The following FAS variants were observed in gnomAD, a reference collection of about 807,000 sequenced individuals.
FAS encodes the protein Fas cell surface death receptor.
Under a neutral mutation model 33.2 loss-of-function variants are expected in FAS, and 5 were observed. That is an observed-to-expected ratio of 0.15 (90% CI 0.08 to 0.32). The LOEUF (loss-of-function observed/expected upper bound fraction) is 0.32, where lower values mean the gene tolerates loss of function less well. Among genes scored for constraint, FAS ranks in the 10% least tolerant of loss-of-function variants. The pLI, the probability that FAS is intolerant of heterozygous loss-of-function variation, is 1.00. For synonymous variants in FAS, 131 were observed against 130.7 expected (o/e 1.00, Z -0.01); for missense variants, 339 against 386.0 (o/e 0.88, Z 1.02).
chr10:89,008,705 T>C (rs1475104420), intron 3 of FAS, among the ~76,000 whole-genome samples, 184 bp from the exon 4 acceptor site: 1 of 152,202 alleles, frequency 6.6e-6, no homozygotes, highest in Non-Finnish European at 1.5e-5. Context: ...GCTAAATGAT[T>C]GCTGGCCATT....
At chr10:89,000,327 C>T (rs1457873664) in intron 1 of FAS, among the ~76,000 whole-genome samples, 1 of 152,126 alleles carries the variant, frequency 6.6e-6, no homozygotes, top group Non-Finnish European at 1.5e-5. Flanking sequence ...TATAGATTTA[C>T]TACCATTATT....
intron 2 of FAS, among the ~76,000 whole-genome samples, chr10:89,003,567 T>G (rs1456019349): frequency 6.6e-6 from 1 of 152,226 alleles, no homozygotes; most frequent in Non-Finnish European, 1.5e-5. Context: ...CTTCTCCTCT[T>G]AAGGGATATG....
chr10:88,991,613 C>G (rs897281957), intron 1 of FAS: 2 of 154,146 alleles, frequency 1.3e-5, no homozygotes, highest in African/African-American at 4.8e-5. Flanking sequence ...TCCGGGAATT[C>G]TCTCTTTAAG....
chr10:88,990,939 C>G lies in FAS; in HGVS notation c.30+33C>G, dbSNP rs1243910030. The G allele has an allele frequency of 6.2e-7, 1 of 1,614,100 alleles. No homozygotes were observed. The highest frequency in any genetic ancestry group is 8.5e-7 in the Non-Finnish European group (1 of 1,179,966). ...CTCTCCTGCCCGGGTGGAGGCTTAC[C>G]CCGTCTTAGTCCCGGGGATAGGCAA... On this transcript the variant is annotated intron_variant, in intron 1 of 8. Coordinates refer to ENST00000652046, the MANE Select transcript of FAS (RefSeq NM_000043.6). The surrounding 1 kb of genome is among the most constrained non-coding windows in gnomAD (Gnocchi z 4.9).
intron 2 of FAS, among the ~76,000 whole-genome samples, chr10:88,979,821 C>T (rs1171658817): frequency 6.6e-6 from 1 of 152,178 alleles, no homozygotes; most frequent in African/African-American, 2.4e-5. Context: ...AGAGCAACAG[C>T]AAAGGTCATT....
At chr10:88,991,049 C>A in intron 1 of FAS, 143 bp downstream of exon 1, 2 of 1,106,728 alleles carry the variant, frequency 1.8e-6, no homozygotes, top group East Asian at 2.5e-5. Context: ...CTGCGGGAGG[C>A]GTTGGAGACT....
intron 8 of FAS, 112 bp from the exon 9 acceptor site, chr10:89,014,007 T>C (rs1848660047): frequency 2.6e-6 from 3 of 1,136,002 alleles, no homozygotes; most frequent in Non-Finnish European, 3.8e-6. Context: ...TTCATAGACC[T>C]TTAGGACTTA....
intron 8 of FAS, 23 bp downstream of exon 8, chr10:89,013,390 T>G: frequency 6.2e-7 from 1 of 1,609,982 alleles, no homozygotes. Context: ...TCATTTTATT[T>G]CATAGAGATG....
At chr10:88,974,471 G>T (rs141715056) in intron 2 of FAS, 61 of 152,216 alleles carry the variant, frequency 4.0e-4, no homozygotes, top group Non-Finnish European at 6.3e-4. Flanking sequence ...AATGTTGGTG[G>T]TCTTTTAAAA....
intron 1 of FAS, among the ~76,000 whole-genome samples, chr10:88,998,761 G>A (rs941447615): frequency 1.3e-5 from 2 of 152,074 alleles, no homozygotes; most frequent in African/African-American, 4.8e-5. Flanking sequence ...AGTCCTTTCT[G>A]CTCTAAATTG....
In FAS at chr10:89,015,955, A is replaced by G; in HGVS notation, c.*1505A>G. ...TAAATAATTATTTCCATAGGTTGCT[A>G]TTGCCAAGAAGACCTCTTCCAAACA... On this transcript the variant is annotated 3_prime_UTR_variant, in exon 9 of 9. Transcript: ENST00000652046. The G allele has an allele frequency of 3.7e-6, 1 of 271,720 alleles. No individual in the cohort carries two copies. The highest frequency in any genetic ancestry group is 5.4e-5 in the East Asian group (1 of 18,662). 16.8% of individuals were successfully genotyped at this position (271,720 alleles called of 1,614,324 possible). A position where few individuals can be genotyped will look rare whatever the true frequency, so the allele number is the denominator to read the frequency against.
chr10:88,967,199 T>A (rs1205784063), intron 1 of FAS, among the ~76,000 whole-genome samples: 1 of 152,216 alleles, frequency 6.6e-6, no homozygotes, highest in Non-Finnish European at 1.5e-5. Flanking sequence ...GGTAATTTTA[T>A]ACTGAAGAGC....
At chr10:89,005,864 C>T (rs892053536) in intron 2 of FAS, among the ~76,000 whole-genome samples, 1 of 152,120 alleles carries the variant, frequency 6.6e-6, no homozygotes, top group Non-Finnish European at 1.5e-5. Flanking sequence ...GTCTCAAACT[C>T]CTGACCTCAG....
intron 8 of FAS, 28 bp downstream of exon 8, chr10:89,013,395 G>C: frequency 6.2e-7 from 1 of 1,608,392 alleles, no homozygotes; most frequent in South Asian, 1.1e-5. Flanking sequence ...TTATTTCATA[G>C]AGATGGCATC....
At chr10:88,989,665 C>T (rs1564668277), upstream of FAS, 1 of 464,310 alleles carries the variant, frequency 2.2e-6, no homozygotes, top group Non-Finnish European at 4.3e-6. Flanking sequence ...CCCAAACAGG[C>T]TCCAGAAGAA....
rs2133471680 is a variant in FAS at position 89,003,149 on chromosome 10, G to A, written c.151G>A (p.Gly51Ser). Reference sequence around the variant, plus strand: ...TACAGTTGAGACTCAGAACTTGGAAGGCCTGCATCATGATGGCCAATTCTG... The same window carrying A: ...TACAGTTGAGACTCAGAACTTGGAAAGCCTGCATCATGATGGCCAATTCTG... Reference protein sequence around the residue: ...VTTVETQNLEGLHHDGQFCHK... With the variant: ...VTTVETQNLESLHHDGQFCHK... The change falls in exon 2 of 9, where the codon GGC becomes AGC. Residue 51 changes from glycine (G) to serine (S), a missense_variant. By Grantham distance (56) the Gly-to-Ser change is moderately conservative. Around this residue, in one of 3 missense-constraint regions of FAS, gnomAD observed 276 missense variants for 300.1 expected, o/e 0.92. Coordinates refer to ENST00000652046, the MANE Select transcript of FAS (RefSeq NM_000043.6). 6.2e-7 allele frequency: 1 copy of A among 1,614,166 alleles called. No homozygotes were observed. The highest frequency in any genetic ancestry group is 8.5e-7 in the Non-Finnish European group (1 of 1,179,998).
At chr10:88,991,352 G>C (rs1196945116) in intron 1 of FAS, 1 of 314,122 alleles carries the variant, frequency 3.2e-6, no homozygotes, top group African/African-American at 2.2e-5. Context: ...CTCCGGCGCG[G>C]GTGGGTGAGT....
chr10:88,965,422 A>G (rs1846301825), intron 1 of FAS, among the ~76,000 whole-genome samples: 1 of 152,214 alleles, frequency 6.6e-6, no homozygotes, highest in South Asian at 2.1e-4. Flanking sequence ...GAAAGAACAG[A>G]TAAGATGCAT....
At chr10:88,983,484 C>T (rs540284602), upstream of FAS, among the ~76,000 whole-genome samples, 105 of 152,222 alleles carry the variant, frequency 6.9e-4, 1 homozygote, top group African/African-American at 2.4e-3. Flanking sequence ...TGGAAGTTCA[C>T]TTCTGTTACC....
Sources: allele counts gnomAD v4.1 joint callset (sites outside exome capture counted in the v4.1 genomes callset), GRCh38; gene constraint gnomAD v4.1.1; regional missense constraint gnomAD v4.1.1; non-coding constraint Gnocchi (gnomAD v3.1); transcripts MANE v1.5; gene names NCBI Gene and HGNC (gene_info 2026-07-23, HGNC 2026-07-21).